The following MYO5B variants were observed in gnomAD, a reference collection of about 807,000 sequenced individuals.
MYO5B encodes unconventional myosin-Vb.
A neutral mutation model predicts 229.3 loss-of-function variants in MYO5B; 143 were observed. The observed-to-expected ratio is 0.62, with a 90% confidence interval of 0.54 to 0.72. The LOEUF (loss-of-function observed/expected upper bound fraction) is 0.72, where lower values mean the gene tolerates loss of function less well. Ranked by LOEUF, MYO5B falls within the 30% of genes least tolerant of loss-of-function variation. MYO5B has a pLI of 0.00. For missense variants in MYO5B, 2,321 were observed against 2,331.0 expected (o/e 1.00, Z 0.09); for synonymous variants, 918 against 885.2 (o/e 1.04, Z -0.66).
intron 12 of MYO5B, among the ~76,000 whole-genome samples, chr18:49,956,301 G>A (rs2025491997): frequency 6.6e-6 from 1 of 152,228 alleles, no homozygotes; most frequent in Non-Finnish European, 1.5e-5. Flanking sequence ...ATGTCAGCTA[G>A]GTGCTATGTT....
chr18:50,080,327 G>A (rs78721716), intron 1 of MYO5B, among the ~76,000 whole-genome samples: 6,883 of 152,198 alleles, frequency 0.045, 170 homozygotes, highest in African/African-American at 0.062. Context: ...TGTGGGGTGC[G>A]GGGAGGTGCT....
chr18:50,181,321 T>G (rs774198796), intron 1 of MYO5B, among the ~76,000 whole-genome samples: 19 of 136,454 alleles, frequency 1.4e-4, no homozygotes, highest in Non-Finnish European at 2.7e-4. Flanking sequence ...TCCTGACAAT[T>G]TGGAAAGCTC....
chr18:49,917,233 T>C (rs1295076442), intron 17 of MYO5B, among the ~76,000 whole-genome samples: 1 of 152,244 alleles, frequency 6.6e-6, no homozygotes, highest in East Asian at 1.9e-4. Context: ...TTACAGCACC[T>C]ATTGTCATGG....
chr18:49,893,679 G>C (rs1453758986), intron 22 of MYO5B, among the ~76,000 whole-genome samples: 1 of 152,182 alleles, frequency 6.6e-6, no homozygotes, highest in African/African-American at 2.4e-5. Flanking sequence ...TCCACACCTG[G>C]ATCCCACCTC....
At position 49,902,704 on chromosome 18, in the gene MYO5B, G is replaced by A. The variant is rs530225339; in HGVS notation, c.2701C>T (p.Arg901Trp). The change falls in exon 21 of 40, where the codon CGG becomes TGG. Residue 901 changes from arginine (R) to tryptophan (W), a missense_variant. By Grantham distance (101) the Arg-to-Trp change is moderately radical (BLOSUM62 -3). Around this residue, in one of 2 missense-constraint regions of MYO5B, gnomAD observed 2,113 missense variants for 2,044.7 expected, o/e 1.03. Coordinates refer to ENST00000285039, the MANE Select transcript of MYO5B (RefSeq NM_001080467.3). Reference sequence around the variant, plus strand: ...TCAATCCTGAGGGCCTTCAGCTCCCGCCTGGCCTTGAGCATCCGGAAGGCA... The same window carrying A: ...TCAATCCTGAGGGCCTTCAGCTCCCACCTGGCCTTGAGCATCCGGAAGGCA... ...QCAFRMLKARRELKALRIEAR... is the reference protein window; with the variant it reads ...QCAFRMLKARWELKALRIEAR... 2.5e-5 allele frequency: 41 copies of A among 1,611,798 alleles called. No individual in the cohort carries two copies. In the East Asian group the frequency reaches 3.1e-4, roughly 12 times the overall value.
chr18:50,027,334 G>A (rs2026342173), intron 4 of MYO5B, among the ~76,000 whole-genome samples: 1 of 152,168 alleles, frequency 6.6e-6, no homozygotes, highest in South Asian at 2.1e-4. Flanking sequence ...AGGAGCCACA[G>A]AAGCCCACAC....
At chr18:50,151,387 G>A (rs1039896071) in intron 1 of MYO5B, among the ~76,000 whole-genome samples, 3 of 152,144 alleles carry the variant, frequency 2.0e-5, no homozygotes, top group Non-Finnish European at 4.4e-5. Context: ...ACTTGAGGTG[G>A]TCCTTGAGCC....
intron 1 of MYO5B, among the ~76,000 whole-genome samples, chr18:50,066,869 A>G (rs2030833157): frequency 6.6e-6 from 1 of 152,208 alleles, no homozygotes; most frequent in Admixed American, 6.5e-5. Context: ...TAGTGTTAAT[A>G]TCAAACAAAT....
chr18:49,932,784 T>G (rs915351150), intron 16 of MYO5B, among the ~76,000 whole-genome samples: 1 of 152,142 alleles, frequency 6.6e-6, no homozygotes, highest in Non-Finnish European at 1.5e-5. Flanking sequence ...CAAGGGGATA[T>G]GGGAGGCCAG....
chr18:49,922,113 C>T lies in MYO5B; in HGVS notation c.2090+7399G>A, dbSNP rs188153551. On this transcript the variant is annotated intron_variant, in intron 17 of 39. Transcript: ENST00000285039. Reference sequence around the variant, plus strand: ...CAGGTCCCTCTGGTCCTATGAAGGTCTCCTAAAGTCACATCAACAAAATAA... The same window carrying T: ...CAGGTCCCTCTGGTCCTATGAAGGTTTCCTAAAGTCACATCAACAAAATAA... Among the ~76,000 whole-genome samples, 6 of 152,332 alleles carry T rather than the reference C, an allele frequency of 3.9e-5. No individual in the cohort carries two copies. In the East Asian group the frequency reaches 1.2e-3, roughly 29 times the overall value.
intron 1 of MYO5B, among the ~76,000 whole-genome samples, chr18:50,194,296 G>A (rs888370592): frequency 6.6e-6 from 1 of 152,170 alleles, no homozygotes; most frequent in Admixed American, 6.5e-5. Flanking sequence ...AGGAAAGGAC[G>A]CCTCGGAGGC....
chr18:49,900,770 GC>G (rs2024832001), intron 21 of MYO5B, among the ~76,000 whole-genome samples: 1 of 152,156 alleles, frequency 6.6e-6, no homozygotes, highest in Admixed American at 6.5e-5. Context: ...CACCTCAGAA[GC>G]CTGGTTCTGT....
intron 8 of MYO5B, among the ~76,000 whole-genome samples, chr18:49,981,649 C>T (rs1272924629): frequency 6.6e-6 from 1 of 152,172 alleles, no homozygotes; most frequent in East Asian, 1.9e-4. Context: ...ATTCCCAGGG[C>T]CTTGAACACT....
intron 1 of MYO5B, among the ~76,000 whole-genome samples, chr18:50,114,437 G>C (rs141348086): frequency 6.6e-6 from 1 of 152,260 alleles, no homozygotes; most frequent in East Asian, 1.9e-4. Flanking sequence ...GGCTCCTCTT[G>C]GGAAAGGGTG....
At chr18:50,119,955 A>C (rs1020855366) in intron 1 of MYO5B, among the ~76,000 whole-genome samples, 4 of 152,162 alleles carry the variant, frequency 2.6e-5, no homozygotes, top group Non-Finnish European at 4.4e-5. Flanking sequence ...CAGCCCTCTC[A>C]TAGCTCCAAA....
chr18:50,076,989 AT>A (rs2031095004), intron 1 of MYO5B, among the ~76,000 whole-genome samples: 1 of 151,892 alleles, frequency 6.6e-6, no homozygotes, highest in Non-Finnish European at 1.5e-5. Flanking sequence ...CATTAGAAAT[AT>A]TTTTTAAATA....
At chr18:50,123,686 T>G (rs1211014165) in intron 1 of MYO5B, among the ~76,000 whole-genome samples, 1 of 152,148 alleles carries the variant, frequency 6.6e-6, no homozygotes, top group East Asian at 1.9e-4. Flanking sequence ...CAGGCCTGGG[T>G]GACAGGGCAA....
At chr18:49,892,657 T>C (rs2024728871) in intron 22 of MYO5B, among the ~76,000 whole-genome samples, 1 of 152,142 alleles carries the variant, frequency 6.6e-6, no homozygotes. Flanking sequence ...ATAAATATTA[T>C]ACCCTGAGGA....
chr18:50,021,888 C>A (rs2026279464), intron 4 of MYO5B, among the ~76,000 whole-genome samples: 1 of 152,088 alleles, frequency 6.6e-6, no homozygotes, highest in East Asian at 1.9e-4. Context: ...GAAGTTCTCT[C>A]CTCCCTAACA....
Sources: allele counts gnomAD v4.1 joint callset (sites outside exome capture counted in the v4.1 genomes callset), GRCh38; gene constraint gnomAD v4.1.1; regional missense constraint gnomAD v4.1.1; transcripts MANE v1.5; gene names NCBI Gene and HGNC (gene_info 2026-07-23, HGNC 2026-07-21).